ZNF226: variants seen among roughly 807,000 people sequenced by gnomAD.
The protein encoded by ZNF226 is zinc finger protein 226, also known as Kruppel-associated box protein.
Under a neutral mutation model 11.4 loss-of-function variants are expected in ZNF226, and 6 were observed. That is an observed-to-expected ratio of 0.53 (90% confidence interval 0.29 to 1.04). ZNF226 has a LOEUF of 1.04. Among genes scored for constraint, ZNF226 ranks in the 50% least tolerant of loss-of-function variants. ZNF226 has a pLI of 0.08. For missense variants in ZNF226, 1,058 were observed against 956.5 expected (o/e 1.11, Z -1.40); for synonymous variants, 350 against 322.8 (o/e 1.08, Z -0.90).
intron 5 of ZNF226, chr19:44,175,242 A>G: frequency 7.1e-7 from 1 of 1,399,544 alleles, no homozygotes; most frequent in South Asian, 1.7e-5. Flanking sequence ...TAAAAAATTT[A>G]GATAGTATGT....
chr19:44,197,557 A>G, the ZNF226 span, among the ~76,000 whole-genome samples: 2 of 152,134 alleles, frequency 1.3e-5, no homozygotes, highest in Non-Finnish European at 2.9e-5. Context: ...AAAATCAGTG[A>G]TTCTGGTATG....
rs766928159 is a variant in ZNF226 at position 44,176,697 on chromosome 19, G to A, written c.1435G>A (p.Val479Ile). The A allele has an allele frequency of 6.2e-7, 1 of 1,614,128 alleles. No homozygotes were observed. The highest frequency in any genetic ancestry group is 1.1e-5 in the South Asian group (1 of 91,072). Residue 479 changes from valine (V) to isoleucine (I), a missense_variant, in exon 6 of 6, where the codon GTA becomes ATA. By Grantham distance (29) the Val-to-Ile change is conservative. Transcript: ENST00000337433. ...TGGAGAGAAGTCATACATATGTACT[G>A]TATGTGGGAAAGGCTTTACTCTGAG... ...HTGEKSYICT[V>I]CGKGFTLSSN... is the part of the protein sequence containing the mutation.
chr19:44,179,167 G>A (rs979570456), downstream of ZNF226, among the ~76,000 whole-genome samples: 6 of 152,040 alleles, frequency 3.9e-5, no homozygotes, highest in African/African-American at 1.4e-4. Flanking sequence ...GCGATAGAGT[G>A]AGACTCAGTC....
chr19:44,198,708 G>C, the ZNF226 span, among the ~76,000 whole-genome samples: 2 of 152,204 alleles, frequency 1.3e-5, no homozygotes, highest in African/African-American at 4.8e-5. Flanking sequence ...GAGCAGTAAG[G>C]ATTCTAAGGT....
intron 5 of ZNF226, chr19:44,173,346 A>G (rs2030869999): frequency 7.0e-6 from 2 of 287,628 alleles, no homozygotes; most frequent in Non-Finnish European, 1.3e-5. Flanking sequence ...TTTCAGACCT[A>G]TCAAGGATGC....
the ZNF226 span, among the ~76,000 whole-genome samples, chr19:44,184,522 C>T: frequency 2.0e-3 from 304 of 151,416 alleles, 2 homozygotes; most frequent in African/African-American, 7.0e-3. Flanking sequence ...GTGGAGGTTG[C>T]AGTGAGCCGA....
At chr19:44,167,863 A>G (rs1969586229) in intron 2 of ZNF226, 2 of 152,272 alleles carry the variant, frequency 1.3e-5, no homozygotes, top group South Asian at 4.1e-4. Flanking sequence ...GTGTCTTGGT[A>G]AGAGGCAATT....
At chr19:44,182,974 G>A (rs1970930113), downstream of ZNF226, among the ~76,000 whole-genome samples, 1 of 152,150 alleles carries the variant, frequency 6.6e-6, no homozygotes, top group African/African-American at 2.4e-5. Flanking sequence ...ATTACATAAT[G>A]TGAATGAGTT....
chr19:44,190,573 G>T, the ZNF226 span, among the ~76,000 whole-genome samples: 1 of 152,108 alleles, frequency 6.6e-6, no homozygotes, highest in African/African-American at 2.4e-5. Flanking sequence ...CTGACCTCTT[G>T]ATCCGCCCGC....
downstream of ZNF226, among the ~76,000 whole-genome samples, chr19:44,179,350 CTGT>C (rs1213451150): frequency 1.3e-5 from 2 of 151,968 alleles, no homozygotes; most frequent in African/African-American, 4.8e-5. Flanking sequence ...TAGTAAAATA[CTGT>C]TATTTTACAG....
At chr19:44,189,067 A>T in the ZNF226 span, among the ~76,000 whole-genome samples, 1 of 152,136 alleles carries the variant, frequency 6.6e-6, no homozygotes, top group South Asian at 2.1e-4. Flanking sequence ...GGAGGTTTGG[A>T]GGGAGTGGCT....
At chr19:44,196,807 G>C in the ZNF226 span, among the ~76,000 whole-genome samples, 2 of 152,102 alleles carry the variant, frequency 1.3e-5, no homozygotes, top group Non-Finnish European at 2.9e-5. Context: ...AGTGGGACAT[G>C]CCTCAATTCT....
rs568471657 is a variant in ZNF226, at chr19:44,168,648, A to G, written c.-46-1387A>G. On this transcript the variant is annotated intron_variant, in intron 2 of 5. Coordinates refer to ENST00000337433, the MANE Select transcript of ZNF226 (RefSeq NM_001032373.2). Reference sequence around the variant, plus strand: ...ATTCATGATTAAATTCAAGCTATGCATTGTCAGCAGAGATGCCATAAAAGT... The same window carrying G: ...ATTCATGATTAAATTCAAGCTATGCGTTGTCAGCAGAGATGCCATAAAAGT... 8.5e-5 allele frequency among the ~76,000 whole-genome samples: 13 copies of G among 152,278 alleles called. No homozygotes were observed. In the East Asian group the frequency reaches 2.5e-3, roughly 29 times the overall value.
intron 3 of ZNF226, among the ~76,000 whole-genome samples, chr19:44,171,451 C>T (rs1402776088): frequency 6.6e-6 from 1 of 151,966 alleles, no homozygotes; most frequent in African/African-American, 2.4e-5. Context: ...AGTATGTGAC[C>T]TTAATTTAAA....
At chr19:44,171,709 G>A (rs903324114) in intron 3 of ZNF226, among the ~76,000 whole-genome samples, 1 of 152,198 alleles carries the variant, frequency 6.6e-6, no homozygotes, top group Admixed American at 6.5e-5. Context: ...AACCTGACAT[G>A]CCCTTTAGGT....
In ZNF226 at chr19:44,176,935, C is replaced by CTT; in HGVS notation, c.1676_1677dup (p.Lys560LeufsTer21). 1.2e-6 allele frequency: 2 copies of CTT among 1,613,872 alleles called. No individual in the cohort carries two copies. Among genetic ancestry groups the CTT allele is most frequent in the Non-Finnish European group, 1.7e-6 (2 of 1,179,904 alleles). ...CAGAAGGCCCACAGTATAGAGAAAC[C>CTT]TTTTAAGTGTGAGGAGTGTGGGCAG... On this transcript the variant is annotated frameshift_variant, in exon 6 of 6. Transcript: ENST00000337433. LOFTEE classifies it low-confidence loss of function (END_TRUNC).
intron 4 of ZNF226, 150 bp downstream of exon 4, chr19:44,172,364 A>G (rs1482253698): frequency 2.3e-5 from 24 of 1,023,844 alleles, no homozygotes; most frequent in Non-Finnish European, 3.2e-5. Flanking sequence ...TTCTGAACAG[A>G]ATATTTTAGG....
At chr19:44,189,103 G>A in the ZNF226 span, among the ~76,000 whole-genome samples, 5 of 152,152 alleles carry the variant, frequency 3.3e-5, no homozygotes, top group African/African-American at 1.2e-4. Flanking sequence ...CCTGGAGTCC[G>A]TTGTTAAGTT....
chr19:44,178,406 T>A (rs1479951180), downstream of ZNF226: 1 of 152,210 alleles, frequency 6.6e-6, no homozygotes, highest in Non-Finnish European at 1.5e-5. Flanking sequence ...GACACATTTT[T>A]TAGTAGATGT....
Sources: gnomAD v4.1 joint callset for allele counts (sites outside exome capture counted in the v4.1 genomes callset) on GRCh38, gnomAD v4.1.1 for gene constraint, MANE v1.5 for transcripts, NCBI Gene and HGNC (gene_info 2026-07-23, HGNC 2026-07-21) for gene names.